The following RAPGEF4 variants were observed in gnomAD, a reference collection of about 807,000 sequenced individuals.
The protein encoded by RAPGEF4 is RAP guanine-nucleotide-exchange factor (GEF) 4.
Under a neutral mutation model 147.9 loss-of-function variants are expected in RAPGEF4, and 66 were observed. The ratio of observed to expected loss-of-function variants is 0.45; its 90% CI spans 0.37 to 0.55. RAPGEF4 has a LOEUF of 0.55. Among genes scored for constraint, RAPGEF4 ranks in the 20% least tolerant of loss-of-function variants. The pLI is 0.00. For missense variants in RAPGEF4, 1,071 were observed against 1,257.3 expected (o/e 0.85, Z 2.24); for synonymous variants, 419 against 442.7 (o/e 0.95, Z 0.67).
chr2:172,801,437 A>G (rs1686965720), intron 3 of RAPGEF4, among the ~76,000 whole-genome samples: 1 of 152,150 alleles, frequency 6.6e-6, no homozygotes, highest in Non-Finnish European at 1.5e-5. Flanking sequence ...ACAAATTCCC[A>G]AACTTAGCAC....
intron 6 of RAPGEF4, among the ~76,000 whole-genome samples, chr2:172,941,293 A>G (rs939970753): frequency 2.0e-5 from 3 of 152,106 alleles, no homozygotes; most frequent in Admixed American, 2.0e-4. Flanking sequence ...TAATGTAATA[A>G]TTTTTACCTT....
At chr2:172,800,035 A>C (rs996323402) in intron 3 of RAPGEF4, among the ~76,000 whole-genome samples, 4 of 152,194 alleles carry the variant, frequency 2.6e-5, no homozygotes, top group African/African-American at 9.7e-5. Context: ...CTAAACTTTT[A>C]ATTTTAGATT....
chr2:172,736,343 C>T (rs1184301707), intron 1 of RAPGEF4: 1 of 250,104 alleles, frequency 4.0e-6, no homozygotes. Flanking sequence ...AGGCTCCGCT[C>T]CTGGGTGGGG....
intron 4 of RAPGEF4, among the ~76,000 whole-genome samples, chr2:172,877,080 C>T (rs565701756): frequency 1.4e-4 from 21 of 152,162 alleles, no homozygotes; most frequent in African/African-American, 4.8e-4. Context: ...ACTTTTGCAG[C>T]ACTATTCACA....
At chr2:172,822,072 C>T in intron 4 of RAPGEF4, 3 of 1,424,630 alleles carry the variant, frequency 2.1e-6, no homozygotes, top group Non-Finnish European at 2.9e-6. Flanking sequence ...TCAAAAACAT[C>T]TCTGGCTTTT....
At chr2:172,826,620 C>T (rs930205334) in intron 4 of RAPGEF4, among the ~76,000 whole-genome samples, 7 of 152,082 alleles carry the variant, frequency 4.6e-5, no homozygotes, top group South Asian at 2.1e-4. Context: ...ACACCTGTTC[C>T]CAGGGACATA....
intron 10 of RAPGEF4, among the ~76,000 whole-genome samples, chr2:172,982,152 C>T (rs1171937343): frequency 6.6e-6 from 1 of 152,196 alleles, no homozygotes; most frequent in Non-Finnish European, 1.5e-5. Flanking sequence ...AAATCTAGCG[C>T]TGTGTTTAGT....
At chr2:172,772,532 C>T (rs1025635094) in intron 1 of RAPGEF4, among the ~76,000 whole-genome samples, 7 of 151,912 alleles carry the variant, frequency 4.6e-5, no homozygotes, top group Non-Finnish European at 7.4e-5. Context: ...TCAGTAGAAA[C>T]GGGGCTTCAC....
At chr2:172,832,473 A>G (rs1690468664) in intron 4 of RAPGEF4, among the ~76,000 whole-genome samples, 1 of 152,178 alleles carries the variant, frequency 6.6e-6, no homozygotes, top group Non-Finnish European at 1.5e-5. Flanking sequence ...TCAACTCCTC[A>G]TTTTGTTCTT....
intron 4 of RAPGEF4, among the ~76,000 whole-genome samples, chr2:172,881,226 C>G (rs995321184): frequency 1.3e-5 from 2 of 152,152 alleles, no homozygotes; most frequent in Non-Finnish European, 2.9e-5. Flanking sequence ...CCATGGCCAG[C>G]TTTTAGTACT....
chr2:173,026,685 C>T lies in RAPGEF4; in HGVS notation c.2367C>T (p.Asn789=). ...QMTIYDWELF[N]CVHELELIYH... ...CAATTTATGATTGGGAACTCTTCAA[C>T]TGCGTGCATGAGGTAAGATGCAGGA... Residue 789 remains asparagine (N), a synonymous_variant, in exon 24 of 31, where the codon AAC becomes AAT. Coordinates refer to ENST00000397081, the MANE Select transcript of RAPGEF4 (RefSeq NM_007023.4). The T allele has an allele frequency of 6.2e-7, 1 of 1,613,888 alleles. No individual in the cohort carries two copies. Among genetic ancestry groups the T allele is most frequent in the Non-Finnish European group, 8.5e-7 (1 of 1,179,932 alleles).
intron 6 of RAPGEF4, among the ~76,000 whole-genome samples, chr2:172,931,044 C>T (rs951950912): frequency 5.3e-5 from 8 of 152,004 alleles, no homozygotes; most frequent in Non-Finnish European, 7.4e-5. Context: ...CAGTTCCCAT[C>T]CCTGACACTT....
chr2:172,898,146 T>C (rs1009185126), intron 4 of RAPGEF4, among the ~76,000 whole-genome samples: 1 of 151,700 alleles, frequency 6.6e-6, no homozygotes, highest in African/African-American at 2.4e-5. Flanking sequence ...GTACAGGAGG[T>C]TGGGGGATTT....
chr2:172,888,701 C>T (rs1402631358), intron 4 of RAPGEF4, among the ~76,000 whole-genome samples: 1 of 152,134 alleles, frequency 6.6e-6, no homozygotes, highest in Non-Finnish European at 1.5e-5. Flanking sequence ...TCCATAATGG[C>T]CTTTGCAATA....
chr2:173,001,127 G>C (rs1375435348), intron 16 of RAPGEF4, 139 bp from the exon 17 acceptor site: 3 of 1,224,746 alleles, frequency 2.4e-6, no homozygotes, highest in Non-Finnish European at 3.3e-6. Flanking sequence ...TTTATATGAA[G>C]TGCTTCCATG....
chr2:172,845,755 G>A (rs911523762), intron 4 of RAPGEF4, among the ~76,000 whole-genome samples: 1 of 152,100 alleles, frequency 6.6e-6, no homozygotes, highest in African/African-American at 2.4e-5. Flanking sequence ...AAGTTCATTC[G>A]CAATGTGGTG....
intron 29 of RAPGEF4, among the ~76,000 whole-genome samples, chr2:173,046,241 T>G (rs1365348109): frequency 1.3e-5 from 2 of 152,238 alleles, no homozygotes; most frequent in Non-Finnish European, 2.9e-5. Context: ...AAAGGTAGAA[T>G]GAACTTCAGG....
chr2:173,018,481 C>T (rs1695712505), intron 21 of RAPGEF4, among the ~76,000 whole-genome samples, 175 bp from the exon 22 acceptor site: 1 of 152,072 alleles, frequency 6.6e-6, no homozygotes, highest in Non-Finnish European at 1.5e-5. Context: ...TAGACCAATG[C>T]TAAGGTAAGC....
At chr2:172,868,353 T>C (rs955027940) in intron 4 of RAPGEF4, among the ~76,000 whole-genome samples, 1 of 152,236 alleles carries the variant, frequency 6.6e-6, no homozygotes, top group Non-Finnish European at 1.5e-5. Flanking sequence ...TCCTAATGCT[T>C]CTGGAAAGTA....
Sources: gnomAD v4.1 joint callset for allele counts (sites outside exome capture counted in the v4.1 genomes callset) on GRCh38, gnomAD v4.1.1 for gene constraint, MANE v1.5 for transcripts, NCBI Gene and HGNC (gene_info 2026-07-23, HGNC 2026-07-21) for gene names.